Variants in TESK2 observed in about 807,000 individuals in gnomAD.
TESK2 encodes the protein dual specificity testis-specific protein kinase 2.
In TESK2, 39 loss-of-function variants were observed where a neutral mutation model predicts 57.1. The ratio of observed to expected loss-of-function variants is 0.68; its 90% CI spans 0.53 to 0.89. The LOEUF is 0.89. TESK2 is among the 40% of genes least tolerant of loss of function. The probability of loss-of-function intolerance (pLI) is 0.00; values close to 1 mark genes in which losing one functional copy is unlikely to be tolerated. For synonymous variants in TESK2, 249 were observed against 267.9 expected, an observed-to-expected ratio of 0.93 and a Z score of 0.69; for missense variants, 646 against 732.1, an observed-to-expected ratio of 0.88 and a Z score of 1.36.
chr1:45,412,651 TCATATTTGGTGAATTGAAGG>T (rs1032312833), intron 3 of TESK2, among the ~76,000 whole-genome samples: 1 of 152,166 alleles, frequency 6.6e-6, no homozygotes, highest in African/African-American at 2.4e-5. Flanking sequence ...GTCTTCAATT[TCATATTTGGTGAATTGAAGG>T]CATATTTGGT....
intron 1 of TESK2, among the ~76,000 whole-genome samples, chr1:45,484,186 G>A (rs994357766): frequency 1.4e-5 from 2 of 141,314 alleles, no homozygotes; most frequent in Non-Finnish European, 3.0e-5. Flanking sequence ...TCGGCTCACT[G>A]CAACCTGCGC....
intron 5 of TESK2, among the ~76,000 whole-genome samples, chr1:45,348,461 T>C (rs1449108704): frequency 6.6e-6 from 1 of 152,206 alleles, no homozygotes; most frequent in Non-Finnish European, 1.5e-5. Context: ...AAGCCTTCAC[T>C]AACCTTCACT....
At chr1:45,415,248 A>T in intron 3 of TESK2, 1 of 1,446,614 alleles carries the variant, frequency 6.9e-7, no homozygotes. Flanking sequence ...GCAAGGTGAA[A>T]GAAGGCATGA....
intron 3 of TESK2, among the ~76,000 whole-genome samples, chr1:45,399,323 AT>A (rs901600502): frequency 4.6e-4 from 69 of 150,358 alleles, no homozygotes; most frequent in African/African-American, 6.1e-4. Flanking sequence ...TAATTTTTGT[AT>A]TTTTTTTGAG....
At chr1:45,398,747 C>A (rs1190568238) in intron 3 of TESK2, 9 of 241,100 alleles carry the variant, frequency 3.7e-5, no homozygotes, top group African/African-American at 1.8e-4. Context: ...TTACATTTCC[C>A]AGTGTTTATT....
chr1:45,460,161 A>T (rs1193987524), intron 1 of TESK2, among the ~76,000 whole-genome samples: 2 of 151,922 alleles, frequency 1.3e-5, no homozygotes, highest in African/African-American at 2.4e-5. Context: ...ACCACACAAT[A>T]TACCCTTGTA....
intron 7 of TESK2, 62 bp downstream of exon 7, chr1:45,347,547 A>C: frequency 6.8e-7 from 1 of 1,478,210 alleles, no homozygotes; most frequent in Non-Finnish European, 9.4e-7. Flanking sequence ...ACATAGTGAG[A>C]CCATCTCAAA....
chr1:45,458,179 C>G (rs12032658), intron 1 of TESK2, among the ~76,000 whole-genome samples: 30,913 of 152,194 alleles, frequency 0.2, 3,454 homozygotes, highest in Non-Finnish European at 0.26. Context: ...GCTTGACATA[C>G]ATCATCTCGT....
At chr1:45,436,181 C>CTTTTGTTTTTTTTTTT in intron 2 of TESK2, among the ~76,000 whole-genome samples, 1 of 56,622 alleles carries the variant, frequency 1.8e-5, no homozygotes, top group African/African-American at 5.9e-5. Flanking sequence ...TTGGTATCTT[C>CTTTTGTTTTTTTTTTT]TTTTTTTTTT....
At chr1:45,379,863 C>T (rs866102265) in intron 4 of TESK2, among the ~76,000 whole-genome samples, 8 of 152,252 alleles carry the variant, frequency 5.3e-5, no homozygotes, top group Middle Eastern at 6.8e-3. Context: ...CTCATCGCCA[C>T]AGAAGAAAAT....
chr1:45,464,697 T>G (rs1652473048), intron 1 of TESK2, among the ~76,000 whole-genome samples: 1 of 152,230 alleles, frequency 6.6e-6, no homozygotes, highest in African/African-American at 2.4e-5. Flanking sequence ...CAGGGTTCCC[T>G]GAGAGTGGCA....
intron 1 of TESK2, among the ~76,000 whole-genome samples, chr1:45,488,367 C>G (rs1338152509): frequency 1.3e-5 from 2 of 152,212 alleles, no homozygotes; most frequent in African/African-American, 4.8e-5. Context: ...ATAAGGCCAT[C>G]TGTTAAACTC....
intron 4 of TESK2, among the ~76,000 whole-genome samples, chr1:45,355,960 G>T (rs1477641444): frequency 6.6e-6 from 1 of 152,168 alleles, no homozygotes. Context: ...TAAGATATGT[G>T]AACTTTATCC....
intron 5 of TESK2, among the ~76,000 whole-genome samples, chr1:45,350,306 A>G (rs965894965): frequency 7.9e-5 from 12 of 152,358 alleles, no homozygotes; most frequent in African/African-American, 2.6e-4. Flanking sequence ...GACACCTGAA[A>G]GTGCCTGAGG....
chr1:45,359,312 C>A (rs1647575621), intron 4 of TESK2, among the ~76,000 whole-genome samples: 1 of 152,178 alleles, frequency 6.6e-6, no homozygotes, highest in Non-Finnish European at 1.5e-5. Context: ...GTAATCTCAG[C>A]ACTTTGGGAG....
intron 2 of TESK2, among the ~76,000 whole-genome samples, chr1:45,449,444 C>T (rs769219657): frequency 6.6e-6 from 1 of 151,834 alleles, no homozygotes; most frequent in East Asian, 1.9e-4. Context: ...TTGAAGCAAC[C>T]AAGATGTCCT....
chr1:45,476,784 T>C (rs897762428), intron 1 of TESK2, among the ~76,000 whole-genome samples: 7 of 150,990 alleles, frequency 4.6e-5, no homozygotes, highest in Admixed American at 1.3e-4. Flanking sequence ...GAGGTGGAGG[T>C]TGCAGTGAGC....
In TESK2 at chr1:45,457,807, CTTCTT is replaced by C. The variant is rs766160522; in HGVS notation, c.-27_-23del. 2.2e-5 allele frequency: 35 copies of C among 1,605,524 alleles called. No individual in the cohort carries two copies. The East Asian group carries it at 7.6e-4, about 35-fold the overall frequency. On this transcript the variant is annotated 5_prime_UTR_variant, in exon 2 of 11. Transcript: ENST00000372086. ...CCATAGTCTAAATAATCACTTTTTT[CTTCTT>C]TTAAGAAGGAACTCCACACATAAAT...
chr1:45,478,213 G>A (rs1653078743), intron 1 of TESK2, among the ~76,000 whole-genome samples: 1 of 152,054 alleles, frequency 6.6e-6, no homozygotes, highest in Non-Finnish European at 1.5e-5. Context: ...TTTCTCCCTG[G>A]TGTGTTCTTC....
Sources: allele counts gnomAD v4.1 joint callset (sites outside exome capture counted in the v4.1 genomes callset), GRCh38; gene constraint gnomAD v4.1.1; transcripts MANE v1.5; gene names NCBI Gene and HGNC (gene_info 2026-07-23, HGNC 2026-07-21).